The following DPP6 variants were observed in gnomAD, a reference collection of about 807,000 sequenced individuals.
DPP6 encodes the protein dipeptidyl peptidase like 6, also known as A-type potassium channel modulatory protein DPP6.
In DPP6, 69 loss-of-function variants were observed where a neutral mutation model predicts 122.6. The observed-to-expected ratio is 0.56, with a 90% CI of 0.46 to 0.69. DPP6 has a LOEUF of 0.69. Among genes scored for constraint, DPP6 ranks in the 30% least tolerant of loss-of-function variants. DPP6 has a pLI of 0.00. For synonymous variants in DPP6, 418 were observed against 433.1 expected (o/e 0.97, Z 0.43); for missense variants, 928 against 1,116.9 (o/e 0.83, Z 2.41).
At chr7:154,047,853 A>C (rs1185606592), upstream of DPP6, among the ~76,000 whole-genome samples, 1 of 147,900 alleles carries the variant, frequency 6.8e-6, no homozygotes, top group Non-Finnish European at 1.5e-5. Flanking sequence ...AGAAGAGTCG[A>C]TTATGGTTCA....
At chr7:154,479,944 G>T (rs1027724496) in intron 3 of DPP6, among the ~76,000 whole-genome samples, 1 of 152,038 alleles carries the variant, frequency 6.6e-6, no homozygotes, top group Non-Finnish European at 1.5e-5. Context: ...CCAGAAGAGA[G>T]CTTAGGAACA....
At chr7:154,148,670 G>A (rs1361316953) in intron 1 of DPP6, among the ~76,000 whole-genome samples, 3 of 152,308 alleles carry the variant, frequency 2.0e-5, no homozygotes, top group Admixed American at 6.5e-5. Flanking sequence ...ATTTTCTGAA[G>A]CAGTGATATT....
intron 1 of DPP6, among the ~76,000 whole-genome samples, chr7:154,386,384 G>A (rs967098578): frequency 1.3e-5 from 2 of 151,686 alleles, no homozygotes; most frequent in African/African-American, 4.8e-5. Context: ...GAAAAGATTT[G>A]CAGGAGGAGA....
chr7:154,584,327 C>CA (rs1832288814), intron 5 of DPP6, among the ~76,000 whole-genome samples: 1 of 152,260 alleles, frequency 6.6e-6, no homozygotes, highest in Admixed American at 6.5e-5. Context: ...GCCTCTTCAG[C>CA]AGCAGGCCTT....
At chr7:154,646,482 T>A (rs4960669) in intron 6 of DPP6, among the ~76,000 whole-genome samples, 22,302 of 152,044 alleles carry the variant, frequency 0.15, 1,917 homozygotes, top group African/African-American at 0.24. Flanking sequence ...CTCAAATCCT[T>A]CTGACCCTTC....
intron 1 of DPP6, among the ~76,000 whole-genome samples, chr7:154,112,738 C>A (rs975661422): frequency 6.6e-6 from 1 of 151,864 alleles, no homozygotes; most frequent in Non-Finnish European, 1.5e-5. Context: ...TCTTTTCTTT[C>A]TTTTTTTTGT....
intron 7 of DPP6, among the ~76,000 whole-genome samples, chr7:154,684,762 G>A (rs1839499916): frequency 6.6e-6 from 1 of 152,174 alleles, no homozygotes; most frequent in African/African-American, 2.4e-5. Flanking sequence ...TTTCTCCATG[G>A]CCATACAAAG....
At chr7:154,151,754 C>T (rs1434157978) in intron 1 of DPP6, among the ~76,000 whole-genome samples, 3 of 152,058 alleles carry the variant, frequency 2.0e-5, no homozygotes, top group East Asian at 3.9e-4. Flanking sequence ...TACCCCAGGC[C>T]ACTTCCCTCC....
intron 1 of DPP6, among the ~76,000 whole-genome samples, chr7:154,044,784 T>G (rs1182577343): frequency 6.6e-6 from 1 of 152,236 alleles, no homozygotes; most frequent in African/African-American, 2.4e-5. Flanking sequence ...TTTAAATGTT[T>G]ATTAACTTTA....
In DPP6 at chr7:153,901,114, T is replaced by TTTC. The variant is rs543162178; in HGVS notation, c.51+13394_51+13396dup. On this transcript the variant is annotated intron_variant, in intron 1 of 25. Coordinates refer to the DPP6 transcript ENST00000404039. ...AATTCAGAAGCCAACCACAAAGGCT[T>TTTC]TTCTTCTTCTTCTTCTATATATATA... Among the ~76,000 whole-genome samples the TTTC allele has an allele frequency of 3.2e-4, 48 of 152,244 alleles. No homozygotes were observed. In the South Asian group the frequency reaches 8.7e-3, roughly 28 times the overall value.
Position 153,949,278 on chromosome 7 carries a change from C to T in DPP6, c.51+61544C>T, listed in dbSNP as rs115296524. Among the ~76,000 whole-genome samples the T allele has an allele frequency of 4.5e-3, 680 of 152,336 alleles. 5 individuals carry two copies. Among genetic ancestry groups the T allele is most frequent in the African/African-American group, 0.015 (633 of 41,570 alleles). ...CTCTGAGAAGGAGATGTGGCAGTAG[C>T]GCCTGGTAGCATAGGCCCCGTGGCC... On this transcript the variant is annotated intron_variant, in intron 1 of 25. Coordinates refer to the DPP6 transcript ENST00000404039.
At chr7:154,106,327 C>T (rs2150577570) in intron 1 of DPP6, among the ~76,000 whole-genome samples, 1 of 122,934 alleles carries the variant, frequency 8.1e-6, no homozygotes, top group Admixed American at 9.2e-5. Flanking sequence ...CTGGTCTCTG[C>T]ATCTCCAACC....
chr7:154,793,839 T>G, intron 10 of DPP6: 1 of 489,858 alleles, frequency 2.0e-6, no homozygotes. Context: ...CGCAGTGACA[T>G]GCAACTCCCA....
intron 1 of DPP6, among the ~76,000 whole-genome samples, chr7:153,890,447 A>G (rs926938953): frequency 6.6e-6 from 1 of 152,194 alleles, no homozygotes; most frequent in Non-Finnish European, 1.5e-5. Flanking sequence ...CGGGAGTTCT[A>G]CAAGAATGGT....
chr7:154,093,458 A>C (rs866440937), intron 1 of DPP6, among the ~76,000 whole-genome samples: 4 of 33,006 alleles, frequency 1.2e-4, no homozygotes, highest in Non-Finnish European at 1.3e-4. Flanking sequence ...TACCACACAC[A>C]CCATATACCA....
At chr7:154,357,353 T>C (rs1811352991) in intron 1 of DPP6, among the ~76,000 whole-genome samples, 1 of 152,008 alleles carries the variant, frequency 6.6e-6, no homozygotes, top group South Asian at 2.1e-4. Flanking sequence ...TTACAGCACT[T>C]TGCTGTCCAT....
chr7:153,819,115 A>G, the DPP6 span, among the ~76,000 whole-genome samples: 1 of 107,506 alleles, frequency 9.3e-6, no homozygotes, highest in Non-Finnish European at 1.8e-5. Context: ...TCAGAGGTGC[A>G]TGTGCAGGTT....
the DPP6 span, among the ~76,000 whole-genome samples, chr7:153,859,661 G>A: frequency 4.7e-4 from 71 of 152,276 alleles, 1 homozygote; most frequent in South Asian, 1.7e-3. Flanking sequence ...GTATTATTCC[G>A]TTCCTACGCT....
At chr7:153,889,909 T>C (rs751363421) in intron 1 of DPP6, among the ~76,000 whole-genome samples, 3 of 152,206 alleles carry the variant, frequency 2.0e-5, no homozygotes, top group Non-Finnish European at 2.9e-5. Context: ...GTGTAACTTA[T>C]TTGAATTTTC....
Sources: allele counts gnomAD v4.1 joint callset (sites outside exome capture counted in the v4.1 genomes callset), GRCh38; gene constraint gnomAD v4.1.1; transcripts MANE v1.5; gene names NCBI Gene and HGNC (gene_info 2026-07-23, HGNC 2026-07-21).